The following CLNK variants were observed in gnomAD, a reference collection of about 807,000 sequenced individuals.
The protein encoded by CLNK is cytokine dependent hematopoietic cell linker.
Under a neutral mutation model 68.6 loss-of-function variants are expected in CLNK, and 74 were observed. The ratio of observed to expected loss-of-function variants is 1.08; its 90% confidence interval spans 0.89 to 1.31. The LOEUF (loss-of-function observed/expected upper bound fraction) is 1.31. Ranked by LOEUF, CLNK falls within the 50% of genes most tolerant of loss-of-function variation. The pLI, the probability that CLNK is intolerant of heterozygous loss-of-function variation, is 0.00. For synonymous variants in CLNK, 198 were observed against 172.2 expected, an observed-to-expected ratio of 1.15 and a Z score of -1.17; for missense variants, 553 against 515.3, an observed-to-expected ratio of 1.07 and a Z score of -0.71.
At chr4:10,678,463 C>A (rs1560276004) in intron 1 of CLNK, among the ~76,000 whole-genome samples, 1 of 152,070 alleles carries the variant, frequency 6.6e-6, no homozygotes, top group African/African-American at 2.4e-5. Flanking sequence ...TATTATTTTT[C>A]ATTAAATCTT....
intron 2 of CLNK, chr4:10,598,537 A>G (rs1023586689): frequency 1.2e-5 from 3 of 256,170 alleles, no homozygotes; most frequent in African/African-American, 7.0e-5. Flanking sequence ...AACATTATCC[A>G]ACGTGGGAAG....
chr4:10,590,446 C>T (rs1388060992), intron 3 of CLNK, among the ~76,000 whole-genome samples: 1 of 152,150 alleles, frequency 6.6e-6, no homozygotes, highest in Non-Finnish European at 1.5e-5. Context: ...AAGCTCCTGG[C>T]ATGGAGATGA....
At chr4:10,613,420 T>C (rs1354515049) in intron 2 of CLNK, among the ~76,000 whole-genome samples, 1 of 152,176 alleles carries the variant, frequency 6.6e-6, no homozygotes, top group African/African-American at 2.4e-5. Context: ...GAGGTCCACG[T>C]GGCTGAACTG....
At chr4:10,553,425 C>T (rs1005837909) in intron 8 of CLNK, among the ~76,000 whole-genome samples, 1 of 151,814 alleles carries the variant, frequency 6.6e-6, no homozygotes, top group African/African-American at 2.4e-5. Flanking sequence ...TTACTGCATC[C>T]AGAGTTTCCC....
At chr4:10,652,165 G>T (rs1723768944) in intron 2 of CLNK, among the ~76,000 whole-genome samples, 1 of 151,946 alleles carries the variant, frequency 6.6e-6, no homozygotes, top group African/African-American at 2.4e-5. Context: ...TGGATCACCT[G>T]AGGTTAGGAG....
At chr4:10,561,807 C>CT (rs1202390185) in intron 7 of CLNK, among the ~76,000 whole-genome samples, 5 of 151,926 alleles carry the variant, frequency 3.3e-5, no homozygotes, top group African/African-American at 4.8e-5. Context: ...CCGAGAAAGT[C>CT]TTTTTTGTGA....
At chr4:10,600,542 T>C (rs146891468) in intron 2 of CLNK, among the ~76,000 whole-genome samples, 1 of 152,210 alleles carries the variant, frequency 6.6e-6, no homozygotes, top group East Asian at 1.9e-4. Flanking sequence ...ATTATGCATG[T>C]ACATGTCCAT....
At chr4:10,659,637 T>A (rs940055858) in intron 2 of CLNK, among the ~76,000 whole-genome samples, 3 of 152,034 alleles carry the variant, frequency 2.0e-5, no homozygotes, top group Admixed American at 1.3e-4. Flanking sequence ...CCATAAAAAA[T>A]ACAGAGAAGA....
rs762121795 is a variant in CLNK, at chr4:10,581,876, TTC to T, written c.112+3049_112+3050del. On this transcript the variant is annotated intron_variant, in intron 4 of 18. Coordinates refer to ENST00000226951, the MANE Select transcript of CLNK (RefSeq NM_052964.4). ...GGTGGGAACAGTCTGGATAGTTTTC[TTC>T]TCTCTCTCTCTTTTTAACCCTTGGT... 3.9e-5 allele frequency among the ~76,000 whole-genome samples: 6 copies of T among 152,100 alleles called. No homozygotes were observed. In the East Asian group the frequency reaches 5.8e-4, roughly 15 times the overall value.
At chr4:10,562,963 A>G (rs990073791) in intron 7 of CLNK, among the ~76,000 whole-genome samples, 2 of 152,224 alleles carry the variant, frequency 1.3e-5, no homozygotes, top group African/African-American at 4.8e-5. Context: ...GGCACCGATG[A>G]CATAGTTCTT....
chr4:10,681,305 C>A (rs528361548), intron 1 of CLNK, among the ~76,000 whole-genome samples: 1 of 152,310 alleles, frequency 6.6e-6, no homozygotes, highest in East Asian at 1.9e-4. Flanking sequence ...GCCTTGGATA[C>A]AATTAGCTTT....
intron 5 of CLNK, among the ~76,000 whole-genome samples, chr4:10,569,678 A>G (rs1314024587): frequency 6.6e-6 from 1 of 152,188 alleles, no homozygotes. Context: ...TGGTCATTAT[A>G]GGAATTCTGG....
intron 3 of CLNK, among the ~76,000 whole-genome samples, chr4:10,594,111 C>G (rs980857711): frequency 6.6e-6 from 1 of 152,212 alleles, no homozygotes; most frequent in African/African-American, 2.4e-5. Flanking sequence ...CACACCCACT[C>G]TTCTGCTTCC....
chr4:10,539,654 G>A (rs1322126684), intron 11 of CLNK, among the ~76,000 whole-genome samples: 1 of 152,182 alleles, frequency 6.6e-6, no homozygotes, highest in Non-Finnish European at 1.5e-5. Flanking sequence ...AGCACCAGCT[G>A]CCAAATGTCC....
At chr4:10,572,919 C>T (rs577562775) in intron 4 of CLNK, among the ~76,000 whole-genome samples, 2 of 152,294 alleles carry the variant, frequency 1.3e-5, no homozygotes, top group East Asian at 3.9e-4. Flanking sequence ...ACCTCCACCT[C>T]CTGGGTTCAA....
chr4:10,557,090 A>C (rs1349935826), intron 8 of CLNK, among the ~76,000 whole-genome samples: 1 of 150,934 alleles, frequency 6.6e-6, no homozygotes, highest in East Asian at 2.0e-4. Context: ...TAAATAAATA[A>C]ATAAATAAAT....
chr4:10,732,884 A>G, the CLNK span, among the ~76,000 whole-genome samples: 20 of 152,134 alleles, frequency 1.3e-4, no homozygotes, highest in Non-Finnish European at 2.1e-4. Context: ...TTTTGCCAAC[A>G]TGATCCTAAA....
intron 1 of CLNK, among the ~76,000 whole-genome samples, chr4:10,674,765 A>G (rs985867090): frequency 6.6e-6 from 1 of 152,180 alleles, no homozygotes; most frequent in African/African-American, 2.4e-5. Context: ...TGATTAGCTC[A>G]TTAAGTAATT....
chr4:10,508,532 A>G (rs536757475), intron 16 of CLNK, among the ~76,000 whole-genome samples: 1 of 152,318 alleles, frequency 6.6e-6, no homozygotes, highest in African/African-American at 2.4e-5. Flanking sequence ...CCTGGGCCGC[A>G]CTGCTTTATT....
Sources: allele counts gnomAD v4.1 joint callset (sites outside exome capture counted in the v4.1 genomes callset), GRCh38; gene constraint gnomAD v4.1.1; transcripts MANE v1.5; gene names NCBI Gene and HGNC (gene_info 2026-07-23, HGNC 2026-07-21).